The following NUGGC variants were observed in gnomAD, a reference collection of about 807,000 sequenced individuals.
NUGGC encodes the protein nuclear GTPase SLIP-GC.
In NUGGC, 58 loss-of-function variants were observed where a neutral mutation model predicts 92.6. That is an observed-to-expected ratio of 0.63 (90% CI 0.51 to 0.78). NUGGC has a LOEUF of 0.78. Among genes scored for constraint, NUGGC ranks in the 30% least tolerant of loss-of-function variants. The pLI is 0.00. For missense variants in NUGGC, 925 were observed against 964.6 expected (o/e 0.96, Z 0.54); for synonymous variants, 376 against 366.4 (o/e 1.03, Z -0.30).
chr8:28,039,122 A>G (rs1809628879), intron 13 of NUGGC, among the ~76,000 whole-genome samples: 2 of 152,028 alleles, frequency 1.3e-5, no homozygotes, highest in Non-Finnish European at 2.9e-5. Flanking sequence ...AATCACCCCA[A>G]CTTATCTCCT....
chr8:28,039,212 G>T (rs1277147587), intron 13 of NUGGC, among the ~76,000 whole-genome samples: 1 of 150,280 alleles, frequency 6.7e-6, no homozygotes, highest in African/African-American at 2.5e-5. Flanking sequence ...CCAAATTGCA[G>T]CACATGCATC....
At chr8:28,047,859 A>G (rs1809880727) in intron 10 of NUGGC, among the ~76,000 whole-genome samples, 3 of 152,232 alleles carry the variant, frequency 2.0e-5, no homozygotes, top group Admixed American at 2.0e-4. Context: ...TCAATTCTAG[A>G]AGAAAATGTG....
At chr8:28,059,000 A>G (rs1003620531) in intron 8 of NUGGC, among the ~76,000 whole-genome samples, 2 of 152,152 alleles carry the variant, frequency 1.3e-5, no homozygotes, top group Non-Finnish European at 2.9e-5. Flanking sequence ...CACCACACTC[A>G]GCCTAATTGT....
intron 4 of NUGGC, 74 bp downstream of exon 4, chr8:28,069,470 T>TG (rs1198326940): frequency 1.4e-6 from 1 of 735,604 alleles, no homozygotes; most frequent in Non-Finnish European, 2.4e-6. Context: ...CTTTCCTTGT[T>TG]GGGGGAAAGC....
chr8:28,060,788 C>T (rs537558795), intron 7 of NUGGC, among the ~76,000 whole-genome samples, 187 bp from the exon 8 acceptor site: 79 of 152,278 alleles, frequency 5.2e-4, no homozygotes, highest in African/African-American at 1.9e-3. Context: ...CTGTTAATTC[C>T]CTGGCCACAG....
chr8:28,074,234 C>T (rs17058573), intron 2 of NUGGC, 134 bp downstream of exon 2: 109,747 of 678,734 alleles, frequency 0.16, 9,604 homozygotes, highest in South Asian at 0.23. Flanking sequence ...AAACTTGTCA[C>T]GAGAAAGCAC....
chr8:28,081,877 CA>C (rs1207659479), intron 1 of NUGGC, among the ~76,000 whole-genome samples: 180 of 105,396 alleles, frequency 1.7e-3, no homozygotes, highest in African/African-American at 3.0e-3. Context: ...GACTCCATCT[CA>C]AAAAAAAAAA....
At chr8:28,024,928 A>G (rs1038959296) in intron 18 of NUGGC, among the ~76,000 whole-genome samples, 3 of 152,136 alleles carry the variant, frequency 2.0e-5, no homozygotes, top group Admixed American at 6.5e-5. Context: ...GGCTTTGCTT[A>G]AGTGTCACAT....
chr8:28,070,378 A>T (rs1428387645), intron 2 of NUGGC, 22 bp from the exon 3 acceptor site: 1 of 1,266,242 alleles, frequency 7.9e-7, no homozygotes, highest in East Asian at 2.5e-5. Flanking sequence ...CAGAGGATAT[A>T]TAAGATTATA....
At chr8:28,041,497 C>T (rs1351095358) in intron 12 of NUGGC, among the ~76,000 whole-genome samples, 1 of 152,236 alleles carries the variant, frequency 6.6e-6, no homozygotes, top group Non-Finnish European at 1.5e-5. Flanking sequence ...TGTAATCCAT[C>T]AGGTTATTTG....
Position 28,047,735 on chromosome 8 carries a change from T to A in NUGGC, c.1207-123A>T, listed in dbSNP as rs914534700. The A allele has an allele frequency of 1.0e-5, 6 of 587,120 alleles. No homozygotes were observed. In the African/African-American group the frequency reaches 1.1e-4, roughly 11 times the overall value. The allele number at this position is 587,120 out of a possible 1,614,324, so 36.4% of individuals were successfully genotyped here. A position where few individuals can be genotyped will look rare whatever the true frequency, so the allele number is the denominator to read the frequency against. The stretch of plus-strand genomic sequence containing the variant: ...ACTCATTTTCAGTTCTCCATGACCC[T>A]CTCTGGGAACAGACAATGTTCTCAA... On this transcript the variant is annotated intron_variant, in intron 10 of 18. Coordinates refer to ENST00000413272, the MANE Select transcript of NUGGC (RefSeq NM_001010906.2).
chr8:28,038,813 C>A (rs1486932524), intron 13 of NUGGC, among the ~76,000 whole-genome samples: 1 of 152,010 alleles, frequency 6.6e-6, no homozygotes, highest in East Asian at 1.9e-4. Flanking sequence ...GTTAGGCCGG[C>A]CTGGGTTAGA....
chr8:28,059,313 T>TCATA (rs1585585866), intron 8 of NUGGC, among the ~76,000 whole-genome samples: 2 of 152,146 alleles, frequency 1.3e-5, no homozygotes, highest in African/African-American at 2.4e-5. Context: ...TAAGGACTAA[T>TCATA]CATACCCCCT....
chr8:28,062,692 C>T (rs767867990), intron 7 of NUGGC, among the ~76,000 whole-genome samples: 20 of 152,166 alleles, frequency 1.3e-4, no homozygotes, highest in Admixed American at 6.5e-4. Flanking sequence ...GTCCAGCCAG[C>T]GGAAGGCCAT....
rs781163654 is a variant in NUGGC, at chr8:28,022,197, C to T, written c.*1120G>A. On this transcript the variant is annotated 3_prime_UTR_variant, in exon 19 of 19. Coordinates refer to ENST00000413272, the MANE Select transcript of NUGGC (RefSeq NM_001010906.2). ...TTTTTGAGACATAGTCTCACTCCGT[C>T]GTCCAGGCTGGAGTGCAGTGGCGCG... 1.9e-4 allele frequency: 18 copies of T among 92,804 alleles called. No homozygotes were observed. The South Asian group carries it at 5.1e-3, about 26-fold the overall frequency. The allele number at this position is 92,804 out of a possible 1,614,324, so 5.7% of individuals were successfully genotyped here. A position where few individuals can be genotyped will look rare whatever the true frequency, so the allele number is the denominator to read the frequency against.
chr8:28,041,017 G>A (rs1809683211), intron 13 of NUGGC, 34 bp downstream of exon 13: 1 of 1,566,096 alleles, frequency 6.4e-7, no homozygotes. Flanking sequence ...AGGCCTCCTG[G>A]AATATCTGAG....
At chr8:28,037,033 G>A (rs1388040702) in intron 13 of NUGGC, among the ~76,000 whole-genome samples, 3 of 152,048 alleles carry the variant, frequency 2.0e-5, no homozygotes, top group Non-Finnish European at 2.9e-5. Context: ...CCCTGCTAAC[G>A]CTGTACATAC....
chr8:28,073,910 T>C (rs1443837535), intron 2 of NUGGC, among the ~76,000 whole-genome samples: 1 of 152,114 alleles, frequency 6.6e-6, no homozygotes, highest in African/African-American at 2.4e-5. Flanking sequence ...GTGATTCTCC[T>C]GCCTCAGCCT....
intron 14 of NUGGC, 130 bp from the exon 15 acceptor site, chr8:28,031,511 C>T (rs1166037592): frequency 2.3e-6 from 2 of 882,302 alleles, no homozygotes; most frequent in East Asian, 2.6e-5. Flanking sequence ...TTATCAAATC[C>T]CTATAATGTG....
Sources: gnomAD v4.1 joint callset for allele counts (sites outside exome capture counted in the v4.1 genomes callset) on GRCh38, gnomAD v4.1.1 for gene constraint, MANE v1.5 for transcripts, NCBI Gene and HGNC (gene_info 2026-07-23, HGNC 2026-07-21) for gene names.